SCHIP1: variants seen among roughly 807,000 people sequenced by gnomAD.
The protein encoded by SCHIP1 is schwannomin interacting protein 1, also known as schwannomin-interacting protein 1.
SCHIP1 carries 8 observed loss-of-function variants against 29.7 expected under a neutral mutation model. The ratio of observed to expected loss-of-function variants is 0.27; its 90% confidence interval spans 0.16 to 0.49. The LOEUF is 0.49. Ranked by LOEUF, SCHIP1 falls within the 20% of genes least tolerant of loss-of-function variation. The pLI is 0.99. For missense variants in SCHIP1, 193 were observed against 294.6 expected (o/e 0.66, Z 2.52); for synonymous variants, 76 against 94.9 (o/e 0.80, Z 1.16).
upstream of SCHIP1, among the ~76,000 whole-genome samples, chr3:159,838,900 C>CAAAAAAAA (rs546361167): frequency 8.5e-5 from 5 of 58,526 alleles, no homozygotes; most frequent in Admixed American, 1.8e-4. Flanking sequence ...GACTCCATCT[C>CAAAAAAAA]AAAAAAAAAA....
At chr3:159,591,008 C>G in the SCHIP1 span, among the ~76,000 whole-genome samples, 1 of 152,138 alleles carries the variant, frequency 6.6e-6, no homozygotes, top group Admixed American at 6.5e-5. Context: ...TTACTCATAG[C>G]CCTTTTTAAC....
At chr3:159,703,529 A>G in the SCHIP1 span, among the ~76,000 whole-genome samples, 2 of 152,100 alleles carry the variant, frequency 1.3e-5, no homozygotes, top group African/African-American at 2.4e-5. Flanking sequence ...AGGACATACC[A>G]TAATATTTTA....
At chr3:159,490,201 T>C in the SCHIP1 span, among the ~76,000 whole-genome samples, 2 of 152,186 alleles carry the variant, frequency 1.3e-5, no homozygotes, top group Non-Finnish European at 2.9e-5. Flanking sequence ...GGACTATCCA[T>C]CATCTTGAGT....
At chr3:159,511,410 G>A in the SCHIP1 span, among the ~76,000 whole-genome samples, 117 of 152,278 alleles carry the variant, frequency 7.7e-4, 1 homozygote, top group African/African-American at 2.1e-3. Context: ...GACCCCTTGC[G>A]CTTCCCGGGT....
At chr3:159,391,109 G>T in the SCHIP1 span, among the ~76,000 whole-genome samples, 7 of 152,124 alleles carry the variant, frequency 4.6e-5, no homozygotes, top group Admixed American at 4.6e-4. Flanking sequence ...GTGGGGACAC[G>T]CAGGGAATAG....
At chr3:159,420,545 G>C in the SCHIP1 span, among the ~76,000 whole-genome samples, 4 of 152,172 alleles carry the variant, frequency 2.6e-5, no homozygotes, top group Admixed American at 6.5e-5. Flanking sequence ...TGATGTGAAT[G>C]CTTGTGGATG....
chr3:159,275,920 A>G, the SCHIP1 span, among the ~76,000 whole-genome samples: 4 of 152,146 alleles, frequency 2.6e-5, no homozygotes, highest in Non-Finnish European at 5.9e-5. Flanking sequence ...TTTCTTGCCA[A>G]TGTAAAAATA....
the SCHIP1 span, among the ~76,000 whole-genome samples, chr3:159,646,412 C>G: frequency 6.6e-6 from 1 of 152,060 alleles, no homozygotes; most frequent in African/African-American, 2.4e-5. Flanking sequence ...ACAGGAACAC[C>G]CCATTGGACT....
the SCHIP1 span, among the ~76,000 whole-genome samples, chr3:159,692,934 T>A: frequency 6.6e-6 from 1 of 152,182 alleles, no homozygotes. Flanking sequence ...TTTCATCAGT[T>A]CATAGGTTTC....
chr3:159,445,463 G>T, the SCHIP1 span, among the ~76,000 whole-genome samples: 1 of 151,774 alleles, frequency 6.6e-6, no homozygotes, highest in South Asian at 2.1e-4. Context: ...GTGGAAGTCA[G>T]TGTGGCGATT....
chr3:159,432,163 T>C, the SCHIP1 span, among the ~76,000 whole-genome samples: 1 of 152,020 alleles, frequency 6.6e-6, no homozygotes, highest in Non-Finnish European at 1.5e-5. Flanking sequence ...GATAGATTGC[T>C]CTCACACAAC....
the SCHIP1 span, among the ~76,000 whole-genome samples, chr3:159,432,756 C>G: frequency 6.6e-6 from 1 of 152,196 alleles, no homozygotes; most frequent in African/African-American, 2.4e-5. Context: ...TCAATTGTAT[C>G]TGCTGTGGCC....
chr3:159,823,575 C>T, the SCHIP1 span, among the ~76,000 whole-genome samples: 1 of 152,154 alleles, frequency 6.6e-6, no homozygotes, highest in Non-Finnish European at 1.5e-5. Flanking sequence ...GTTTCCTCCT[C>T]TCCTCCCTCA....
intron 1 of SCHIP1, among the ~76,000 whole-genome samples, chr3:159,851,000 G>A (rs184531531): frequency 9.9e-5 from 15 of 152,272 alleles, no homozygotes; most frequent in African/African-American, 3.1e-4. Flanking sequence ...TTGGATGGGC[G>A]TGGTGCTTCA....
chr3:159,731,441 G>C, the SCHIP1 span, among the ~76,000 whole-genome samples: 1 of 152,212 alleles, frequency 6.6e-6, no homozygotes, highest in Non-Finnish European at 1.5e-5. Context: ...GAGTCCAAGA[G>C]GTGTGCTCAG....
the SCHIP1 span, among the ~76,000 whole-genome samples, chr3:159,767,501 C>T: frequency 5.3e-5 from 8 of 152,150 alleles, no homozygotes; most frequent in African/African-American, 1.7e-4. Flanking sequence ...AGAAGGCCTG[C>T]CTTGAAGGAA....
the SCHIP1 span, among the ~76,000 whole-genome samples, chr3:159,463,839 G>T: frequency 6.6e-6 from 1 of 151,956 alleles, no homozygotes; most frequent in South Asian, 2.1e-4. Context: ...CTGTGAATTG[G>T]TTTACATTTA....
the SCHIP1 span, among the ~76,000 whole-genome samples, chr3:159,802,555 C>T: frequency 1.3e-5 from 2 of 152,130 alleles, no homozygotes; most frequent in Non-Finnish European, 2.9e-5. Flanking sequence ...AAAAAGAATT[C>T]TATTTCTTTC....
the SCHIP1 span, among the ~76,000 whole-genome samples, chr3:159,613,280 A>AT: frequency 6.6e-6 from 1 of 152,172 alleles, no homozygotes; most frequent in Admixed American, 6.5e-5. Context: ...TCAAAATCTG[A>AT]TTTTTTTATG....
Sources: gnomAD v4.1 joint callset for allele counts (sites outside exome capture counted in the v4.1 genomes callset) on GRCh38, gnomAD v4.1.1 for gene constraint, MANE v1.5 for transcripts, NCBI Gene and HGNC (gene_info 2026-07-23, HGNC 2026-07-21) for gene names.